The following ANKRD13B variants were observed in gnomAD, a reference collection of about 807,000 sequenced individuals.
ANKRD13B encodes the protein ankyrin repeat domain-containing protein 13B.
ANKRD13B carries 33 observed loss-of-function variants against 74.4 expected under a neutral mutation model. The observed-to-expected ratio is 0.44, with a 90% CI of 0.34 to 0.59. The LOEUF (loss-of-function observed/expected upper bound fraction) is 0.59. ANKRD13B is among the 20% of genes least tolerant of loss of function. ANKRD13B has a pLI of 0.02. For missense variants in ANKRD13B, 676 were observed against 877.9 expected (o/e 0.77, Z 2.91); for synonymous variants, 341 against 362.9 (o/e 0.94, Z 0.68).
intron 1 of ANKRD13B, among the ~76,000 whole-genome samples, chr17:29,599,938 GCA>G (rs2034105573): frequency 1.4e-5 from 2 of 139,976 alleles, no homozygotes; most frequent in African/African-American, 5.4e-5. Context: ...GTGCAGTGGC[GCA>G]ATCTCGGCTC....
intron 1 of ANKRD13B, among the ~76,000 whole-genome samples, chr17:29,605,422 A>G (rs966552567): frequency 2.0e-5 from 3 of 150,990 alleles, no homozygotes; most frequent in African/African-American, 7.4e-5. Flanking sequence ...ACAAACACAC[A>G]CACACACACA....
intron 7 of ANKRD13B, among the ~76,000 whole-genome samples, chr17:29,610,328 T>C (rs1370962151): frequency 6.6e-6 from 1 of 152,104 alleles, no homozygotes; most frequent in Non-Finnish European, 1.5e-5. Context: ...TTCTGTAGTC[T>C]GGGAAGGCCT....
At chr17:29,598,835 G>GC (rs2034053012) in intron 1 of ANKRD13B, among the ~76,000 whole-genome samples, 1 of 152,248 alleles carries the variant, frequency 6.6e-6, no homozygotes, top group African/African-American at 2.4e-5. Context: ...ACAGACGTGA[G>GC]CCCCCCGGCA....
intron 1 of ANKRD13B, among the ~76,000 whole-genome samples, chr17:29,598,040 C>G (rs1353150382): frequency 6.6e-6 from 1 of 152,200 alleles, no homozygotes; most frequent in Non-Finnish European, 1.5e-5. Context: ...TTGCTCAGCA[C>G]TTCCCCAGTC....
chr17:29,607,342 G>A (rs1042492472), intron 1 of ANKRD13B, among the ~76,000 whole-genome samples: 4 of 152,054 alleles, frequency 2.6e-5, no homozygotes, highest in African/African-American at 9.7e-5. Flanking sequence ...GACCCTTAGG[G>A]TAGGTCTGGT....
chr17:29,606,258 T>G (rs1346718109), intron 1 of ANKRD13B, among the ~76,000 whole-genome samples: 1 of 151,530 alleles, frequency 6.6e-6, no homozygotes, highest in African/African-American at 2.4e-5. Context: ...TCGAAATATA[T>G]TTAAATACTT....
intron 1 of ANKRD13B, among the ~76,000 whole-genome samples, chr17:29,598,830 C>A (rs773577688): frequency 6.6e-6 from 1 of 152,188 alleles, no homozygotes; most frequent in African/African-American, 2.4e-5. Context: ...GGATTACAGA[C>A]GTGAGCCCCC....
Position 29,609,493 on chromosome 17 carries a change from C to G in ANKRD13B, c.822+72C>G. On this transcript the variant is annotated intron_variant, in intron 7 of 14. Coordinates refer to ENST00000394859, the MANE Select transcript of ANKRD13B (RefSeq NM_152345.5). The surrounding 1 kb of genome is among the most constrained non-coding windows in gnomAD (Gnocchi z 4.0). ...CAGCAAGCTGTACAGGGGATTCTGA[C>G]CTCCCTTCCCCAGCCCTGGAGGTAC... is the stretch of plus-strand genomic sequence containing the variant. The G allele has an allele frequency of 5.2e-6, 8 of 1,549,410 alleles. No homozygotes were observed. The highest frequency in any genetic ancestry group is 7.1e-6 in the Non-Finnish European group (8 of 1,131,876).
At chr17:29,603,112 G>A (rs2034241195) in intron 1 of ANKRD13B, among the ~76,000 whole-genome samples, 2 of 152,198 alleles carry the variant, frequency 1.3e-5, no homozygotes, top group Admixed American at 1.3e-4. Context: ...GCCTCCCAAA[G>A]TACTGGGATT....
Position 29,609,441 on chromosome 17 carries a change from C to T in ANKRD13B, c.822+20C>T. On this transcript the variant is annotated intron_variant, in intron 7 of 14. Coordinates refer to ENST00000394859, the MANE Select transcript of ANKRD13B (RefSeq NM_152345.5). The surrounding 1 kb of genome is among the most constrained non-coding windows in gnomAD (Gnocchi z 4.0). Reference sequence around the variant, plus strand: ...GCTAAGGTGAGGCTGCAGCTCCCAGCTGCCAGCCCAGCTGCACTCTTGCCT... The same window carrying T: ...GCTAAGGTGAGGCTGCAGCTCCCAGTTGCCAGCCCAGCTGCACTCTTGCCT... 1 of 1,612,530 alleles carries T rather than the reference C, an allele frequency of 6.2e-7. No homozygotes were observed. Among genetic ancestry groups the T allele is most frequent in the Non-Finnish European group, 8.5e-7 (1 of 1,179,722 alleles).
intron 1 of ANKRD13B, among the ~76,000 whole-genome samples, chr17:29,604,069 T>C (rs1260682378): frequency 1.3e-5 from 2 of 152,070 alleles, no homozygotes; most frequent in Non-Finnish European, 1.5e-5. Context: ...TCCTACTTTT[T>C]GGCATATCTA....
At chr17:29,601,931 A>C (rs533394178) in intron 1 of ANKRD13B, among the ~76,000 whole-genome samples, 5 of 152,234 alleles carry the variant, frequency 3.3e-5, no homozygotes, top group African/African-American at 1.2e-4. Context: ...ATTTCTTTGA[A>C]TGCTTTTAGG....
rs2034574171 is a variant in ANKRD13B, at chr17:29,611,393, C to T, written c.905-186C>T. Reference sequence around the variant, plus strand: ...GTGTTTTAAGCTGTGCTCACAGAGGCCCTGGCCCCTGGTCCTTGAAGCACT... The same window carrying T: ...GTGTTTTAAGCTGTGCTCACAGAGGTCCTGGCCCCTGGTCCTTGAAGCACT... On this transcript the variant is annotated intron_variant, in intron 8 of 14. Transcript: ENST00000394859. This position sits in a 1 kb window ranked among gnomAD's most constrained non-coding sequence, Gnocchi z 4.3. Among the ~76,000 whole-genome samples, 2 of 152,180 alleles carry T rather than the reference C, an allele frequency of 1.3e-5. No homozygotes were observed. The highest frequency in any genetic ancestry group is 2.9e-5 in the Non-Finnish European group (2 of 68,032).
intron 1 of ANKRD13B, among the ~76,000 whole-genome samples, chr17:29,603,037 A>G (rs948416784): frequency 2.6e-5 from 4 of 152,022 alleles, no homozygotes; most frequent in African/African-American, 9.7e-5. Context: ...TTTTAGTAAA[A>G]ATGGGGTTTC....
intron 14 of ANKRD13B, 26 bp from the exon 15 acceptor site, chr17:29,613,328 C>G: frequency 7.1e-7 from 1 of 1,407,366 alleles, no homozygotes; most frequent in Non-Finnish European, 9.2e-7. Flanking sequence ...GCCCGGGAGC[C>G]CGCGACATTC....
chr17:29,594,068 A>C (rs2033867493), intron 1 of ANKRD13B: 1 of 161,082 alleles, frequency 6.2e-6, no homozygotes, highest in African/African-American at 2.4e-5. Context: ...GAGCGGCGAC[A>C]CCTCCCGAGT....
At chr17:29,605,613 C>T (rs1408457884) in intron 1 of ANKRD13B, among the ~76,000 whole-genome samples, 1 of 152,056 alleles carries the variant, frequency 6.6e-6, no homozygotes, top group Non-Finnish European at 1.5e-5. Flanking sequence ...ACTACAGGCA[C>T]AGGCCATCAT....
chr17:29,602,373 C>T (rs947344684), intron 1 of ANKRD13B, among the ~76,000 whole-genome samples: 9 of 137,890 alleles, frequency 6.5e-5, no homozygotes, highest in East Asian at 2.0e-4. Flanking sequence ...CCAGCCTGGG[C>T]GACAGAGTGA....
rs1259896405 is a variant in ANKRD13B, at chr17:29,609,144, T to C, written c.624T>C (p.Thr208=). The C allele has an allele frequency of 1.2e-6, 2 of 1,612,574 alleles. No homozygotes were observed. The highest frequency in any genetic ancestry group is 1.7e-5 in the Admixed American group (1 of 60,032). Residue 208 remains threonine, a synonymous_variant, in exon 6 of 15, where the codon ACT becomes ACC. Transcript: ENST00000394859. The surrounding 1 kb of genome is among the most constrained non-coding windows in gnomAD (Gnocchi z 4.0). ...ACCGCCGGGTGGTGTACACAGAGACTCTGGCACTGGCTGGGCAGGACCGGG... is the reference window on the plus strand; with the variant it reads ...ACCGCCGGGTGGTGTACACAGAGACCCTGGCACTGGCTGGGCAGGACCGGG... ...DHDRRVVYTE[T]LALAGQDREL...
Sources: allele counts gnomAD v4.1 joint callset (sites outside exome capture counted in the v4.1 genomes callset), GRCh38; gene constraint gnomAD v4.1.1; non-coding constraint Gnocchi (gnomAD v3.1); transcripts MANE v1.5; gene names NCBI Gene and HGNC (gene_info 2026-07-23, HGNC 2026-07-21).